The following AP3B2 variants were observed in gnomAD, a reference collection of about 807,000 sequenced individuals.
AP3B2 encodes the protein AP-3 complex subunit beta-2.
A neutral mutation model predicts 126.9 loss-of-function variants in AP3B2; 50 were observed. The observed-to-expected ratio is 0.39, with a 90% CI of 0.31 to 0.50. AP3B2 has a LOEUF of 0.50. Ranked by LOEUF, AP3B2 falls within the 20% of genes least tolerant of loss-of-function variation. The pLI, the probability that AP3B2 is intolerant of heterozygous loss-of-function variation, is 0.79. For synonymous variants in AP3B2, 541 were observed against 565.0 expected (o/e 0.96, Z 0.60); for missense variants, 1,177 against 1,426.4 (o/e 0.83, Z 2.82).
chr15:82,709,455 G>A, intron 1 of AP3B2, 139 bp downstream of exon 1: 3 of 379,838 alleles, frequency 7.9e-6, no homozygotes, highest in South Asian at 1.1e-4. Flanking sequence ...CCAGGCCGCA[G>A]GAGGGGGCCG....
chr15:82,663,305 A>G (rs757017280), intron 21 of AP3B2, 72 bp from the exon 22 acceptor site: 4 of 1,242,868 alleles, frequency 3.2e-6, no homozygotes, highest in Non-Finnish European at 4.6e-6. Flanking sequence ...CCTAGGGATC[A>G]AGGAGCACGC....
intron 1 of AP3B2, among the ~76,000 whole-genome samples, chr15:82,705,420 C>T (rs1351541935): frequency 6.6e-6 from 1 of 152,118 alleles, no homozygotes; most frequent in Admixed American, 6.6e-5. Flanking sequence ...GCCTATCCAC[C>T]CCGTGGTGCC....
intron 2 of AP3B2, 46 bp from the exon 3 acceptor site, chr15:82,689,278 C>T (rs1419919812): frequency 8.7e-6 from 14 of 1,612,624 alleles, no homozygotes; most frequent in African/African-American, 1.3e-5. Context: ...AAGCGAGAGG[C>T]ACAGCACTAA....
Position 82,688,839 on chromosome 15 carries a change from A to T in AP3B2, c.265-8T>A, listed in dbSNP as rs1414884067. 1 of 1,606,834 alleles carries T rather than the reference A, an allele frequency of 6.2e-7. No homozygotes were observed. The highest frequency in any genetic ancestry group is 2.2e-5 in the East Asian group (1 of 44,678). ...ATAGACAAGCTTCTTCACCTTGGGG[A>T]GAGCACGTTTCTCAGCAGAACGCTT... is the stretch of plus-strand genomic sequence containing the variant. On this transcript the variant is annotated splice_polypyrimidine_tract_variant and splice_region_variant and intron_variant, in intron 3 of 26. Coordinates refer to ENST00000535359, the MANE Select transcript of AP3B2 (RefSeq NM_001278512.2).
Position 82,664,475 on chromosome 15 carries a change from C to G in AP3B2, c.2153G>C (p.Ser718Thr). The G allele has an allele frequency of 6.2e-7, 1 of 1,613,634 alleles. No individual in the cohort carries two copies. Among genetic ancestry groups the G allele is most frequent in the South Asian group, 1.1e-5 (1 of 91,010 alleles). ...ESADSDPESE[S>T]ESDSKSSSES... ...ACTGCTGCTCTTACTGTCCGATTCA[C>G]TCTCAGACTCAGGGTCTGTGGAGGA... is the stretch of plus-strand genomic sequence containing the variant. Residue 718 changes from serine to threonine, a missense_variant, in exon 19 of 27, where the codon AGT (serine) becomes ACT (threonine). Ser to Thr is a moderately conservative substitution (Grantham distance 58). Coordinates refer to ENST00000535359, the MANE Select transcript of AP3B2 (RefSeq NM_001278512.2). The surrounding 1 kb of genome is among the most constrained non-coding windows in gnomAD (Gnocchi z 4.5).
rs187397515 is a variant in AP3B2, at chr15:82,665,724, A to G, written c.1853-149T>C. ...GGATGTGTGCCCTAATGGCTCTTCC[A>G]CCCTGACTGCACCTTTAGGCCCACA... On this transcript the variant is annotated intron_variant, in intron 15 of 26. Transcript: ENST00000535359. This position sits in a 1 kb window ranked among gnomAD's most constrained non-coding sequence, Gnocchi z 4.4. 275 of 636,778 alleles carry G rather than the reference A, an allele frequency of 4.3e-4. No homozygotes were observed. The African/African-American group carries it at 4.7e-3, about 11-fold the overall frequency. The allele number at this position is 636,778 out of a possible 1,614,324, so 39.4% of individuals were successfully genotyped here.
At chr15:82,687,447 T>C (rs1175005977) in intron 4 of AP3B2, 1 of 152,256 alleles carries the variant, frequency 6.6e-6, no homozygotes, top group African/African-American at 2.4e-5. Context: ...GTAGAGACTA[T>C]AGGTGAAAAT....
At chr15:82,693,194 A>ACC (rs1335107186) in intron 1 of AP3B2, among the ~76,000 whole-genome samples, 16 of 65,420 alleles carry the variant, frequency 2.4e-4, no homozygotes, top group African/African-American at 8.2e-4. Flanking sequence ...CCCCGCCCCC[A>ACC]CCCCCCCGCC....
At chr15:82,688,248 G>T (rs938350383) in intron 4 of AP3B2, 7 of 590,694 alleles carry the variant, frequency 1.2e-5, no homozygotes, top group Admixed American at 2.9e-5. Context: ...AAAGCCCTTA[G>T]GGGGGAGACT....
intron 1 of AP3B2, among the ~76,000 whole-genome samples, chr15:82,690,126 GT>G (rs2048501169): frequency 6.6e-6 from 1 of 152,084 alleles, no homozygotes; most frequent in African/African-American, 2.4e-5. Flanking sequence ...TTCCCTATGG[GT>G]TTCAGAGGGA....
At position 82,680,823 on chromosome 15, in the gene AP3B2, C is replaced by T; in HGVS notation, c.771+14G>A. 6.2e-7 allele frequency: 1 copy of T among 1,609,846 alleles called. No individual in the cohort carries two copies. The highest frequency in any genetic ancestry group is 1.1e-5 in the South Asian group (1 of 90,984). ...CACACTTCGGCCCGCTCTGCCTGGG[C>T]TGGGCCCACTTACGTTCTGGGTGGG... On this transcript the variant is annotated intron_variant, in intron 7 of 26. Coordinates refer to ENST00000535359, the MANE Select transcript of AP3B2 (RefSeq NM_001278512.2). This position sits in a 1 kb window ranked among gnomAD's most constrained non-coding sequence, Gnocchi z 6.1.
Position 82,677,444 on chromosome 15 carries a change from C to G in AP3B2, c.1379-61G>C, listed in dbSNP as rs2048262410. 1.4e-5 allele frequency: 21 copies of G among 1,484,724 alleles called. No individual in the cohort carries two copies. In the South Asian group the frequency reaches 2.1e-4, roughly 15 times the overall value. The allele number at this position is 1,484,724 out of a possible 1,614,324, so 92.0% of individuals were successfully genotyped here. A position where few individuals can be genotyped will look rare whatever the true frequency, so the allele number is the denominator to read the frequency against. On this transcript the variant is annotated intron_variant, in intron 12 of 26. Coordinates refer to ENST00000535359, the MANE Select transcript of AP3B2 (RefSeq NM_001278512.2). ...AGTCAGATGGCCACACTCAGGTGGA[C>G]AGACACACCTGCAGTGCCCCAGGCC...
chr15:82,705,313 A>ATAAAC (rs2048779859), intron 1 of AP3B2, among the ~76,000 whole-genome samples: 1 of 152,174 alleles, frequency 6.6e-6, no homozygotes, highest in Non-Finnish European at 1.5e-5. Context: ...TTTAAAGCCT[A>ATAAAC]TAAACTCTCC....
At chr15:82,670,112 TG>T (rs1465209530) in intron 14 of AP3B2, among the ~76,000 whole-genome samples, 1 of 68,926 alleles carries the variant, frequency 1.5e-5, no homozygotes, top group African/African-American at 6.4e-5. Flanking sequence ...TTTTTTTTTT[TG>T]GCGGGGGGGG....
At position 82,664,024 on chromosome 15, in the gene AP3B2, C is replaced by T; in HGVS notation, c.2262-49G>A. On this transcript the variant is annotated intron_variant, in intron 19 of 26. Coordinates refer to ENST00000535359, the MANE Select transcript of AP3B2 (RefSeq NM_001278512.2). This position sits in a 1 kb window ranked among gnomAD's most constrained non-coding sequence, Gnocchi z 4.5. ...TCAGGCCTGGCCTGGACACTCCCTC[C>T]TTGCTTCACAGAAGCAGGAGAAATG... 1 of 1,563,348 alleles carries T rather than the reference C, an allele frequency of 6.4e-7. No individual in the cohort carries two copies. The highest frequency in any genetic ancestry group is 8.6e-7 in the Non-Finnish European group (1 of 1,159,148).
In AP3B2 at chr15:82,666,798, T is replaced by G; in HGVS notation, c.1801A>C (p.Lys601Gln). The G allele has an allele frequency of 3.1e-6, 5 of 1,613,956 alleles. No homozygotes were observed. Among genetic ancestry groups the G allele is most frequent in the East Asian group, 2.2e-5 (1 of 44,868 alleles). The change falls in exon 15 of 27, where the codon AAG becomes CAG. Residue 601 changes from lysine to glutamine, a missense_variant. Lys to Gln is a moderately conservative substitution (Grantham distance 53). This residue lies in a region of AP3B2 where 308 missense variants were observed against 452.4 expected (regional missense o/e 0.68). Coordinates refer to ENST00000535359, the MANE Select transcript of AP3B2 (RefSeq NM_001278512.2). ...GCTGGTTTGGGTGCCAGGAAGAGCTTCTTGGCATGGCGGCTGAGGGCCCCA... is the reference window on the plus strand; with the variant it reads ...GCTGGTTTGGGTGCCAGGAAGAGCTGCTTGGCATGGCGGCTGAGGGCCCCA... The part of the protein sequence containing the change: ...QGGALSRHAK[K>Q]LFLAPKPAPV...
At chr15:82,706,122 C>T (rs527972166) in intron 1 of AP3B2, among the ~76,000 whole-genome samples, 3 of 152,220 alleles carry the variant, frequency 2.0e-5, no homozygotes, top group African/African-American at 4.8e-5. Flanking sequence ...CAGCGGCTGC[C>T]GCTGCTTTAA....
rs2047898951 is a variant in AP3B2, at chr15:82,659,541, A to C, written c.*19T>G. Reference sequence around the variant, plus strand: ...GGGGAGGTATAGATGGGAGCCAAACAGGTCACAGCATTTGGAAGTCACTGG... The same window carrying C: ...GGGGAGGTATAGATGGGAGCCAAACCGGTCACAGCATTTGGAAGTCACTGG... On this transcript the variant is annotated 3_prime_UTR_variant, in exon 27 of 27. Transcript: ENST00000535359. 1 of 1,612,454 alleles carries C rather than the reference A, an allele frequency of 6.2e-7. No individual in the cohort carries two copies. Among genetic ancestry groups the C allele is most frequent in the Non-Finnish European group, 8.5e-7 (1 of 1,179,006 alleles).
At position 82,689,121 on chromosome 15, in the gene AP3B2, G is replaced by A. The variant is rs752051949; in HGVS notation, c.264+37C>T. 1.2e-5 allele frequency: 20 copies of A among 1,608,608 alleles called. No homozygotes were observed. In the South Asian group the frequency reaches 2.1e-4, roughly 17 times the overall value. On this transcript the variant is annotated intron_variant, in intron 3 of 26. Transcript: ENST00000535359. Reference sequence around the variant, plus strand: ...CAAGCTTGAGTGTGGTCCTGGGGGAGGTGGGGACAAGCAATCCCTCACCAG... The same window carrying A: ...CAAGCTTGAGTGTGGTCCTGGGGGAAGTGGGGACAAGCAATCCCTCACCAG...
Sources: gnomAD v4.1 joint callset for allele counts (sites outside exome capture counted in the v4.1 genomes callset) on GRCh38, gnomAD v4.1.1 for gene constraint, gnomAD v4.1.1 regional missense constraint, Gnocchi (gnomAD v3.1) non-coding constraint, MANE v1.5 for transcripts, NCBI Gene and HGNC (gene_info 2026-07-23, HGNC 2026-07-21) for gene names.